TBCA: variants seen among roughly 807,000 people sequenced by gnomAD.
TBCA encodes tubulin-specific chaperone A.
TBCA carries 6 observed loss-of-function variants against 15.8 expected under a neutral mutation model. That is an observed-to-expected ratio of 0.38 (90% CI 0.21 to 0.75). The LOEUF (loss-of-function observed/expected upper bound fraction) is 0.75, where lower values mean the gene tolerates loss of function less well. TBCA is among the 30% of genes least tolerant of loss of function. The probability of loss-of-function intolerance (pLI) is 0.46; values close to 1 mark genes in which losing one functional copy is unlikely to be tolerated. For synonymous variants in TBCA, 32 were observed against 42.3 expected (o/e 0.76, Z 0.94); for missense variants, 90 against 131.2 (o/e 0.69, Z 1.53).
intron 1 of TBCA, among the ~76,000 whole-genome samples, chr5:77,715,782 C>T (rs1746386497): frequency 1.3e-5 from 2 of 152,168 alleles, no homozygotes; most frequent in South Asian, 2.1e-4. Flanking sequence ...TCCTGATCAA[C>T]TAATGAAAGT....
chr5:77,722,293 A>G (rs1037486856), intron 1 of TBCA, among the ~76,000 whole-genome samples: 2 of 152,084 alleles, frequency 1.3e-5, no homozygotes, highest in Non-Finnish European at 2.9e-5. Context: ...TCTAACTTGT[A>G]TTATGTATGA....
intron 1 of TBCA, among the ~76,000 whole-genome samples, chr5:77,714,215 G>A (rs1746346713): frequency 6.6e-6 from 1 of 152,048 alleles, no homozygotes; most frequent in South Asian, 2.1e-4. Context: ...AGCTACTTGG[G>A]AGGCTGAGCC....
chr5:77,746,586 A>G (rs1046423710), intron 1 of TBCA, among the ~76,000 whole-genome samples: 1 of 152,208 alleles, frequency 6.6e-6, no homozygotes, highest in African/African-American at 2.4e-5. Context: ...TTAACTTGGT[A>G]GACTTAATAA....
At chr5:77,712,027 T>C (rs570876529) in intron 1 of TBCA, among the ~76,000 whole-genome samples, 17 of 151,822 alleles carry the variant, frequency 1.1e-4, no homozygotes, top group African/African-American at 4.1e-4. Flanking sequence ...CATGTAAAAT[T>C]ATAGTGAATA....
At chr5:77,761,003 G>A (rs440175) in intron 1 of TBCA, among the ~76,000 whole-genome samples, 64,382 of 146,262 alleles carry the variant, frequency 0.44, 14,410 homozygotes, top group East Asian at 0.53. Flanking sequence ...CCGCCACCCC[G>A]TCTGGGAAGT....
chr5:77,740,707 T>C (rs1747011499), intron 1 of TBCA, among the ~76,000 whole-genome samples: 1 of 152,152 alleles, frequency 6.6e-6, no homozygotes, highest in Non-Finnish European at 1.5e-5. Context: ...AACATAAATG[T>C]GGCAGTCATG....
chr5:77,765,453 G>A (rs1363476216), intron 1 of TBCA, among the ~76,000 whole-genome samples: 1 of 152,130 alleles, frequency 6.6e-6, no homozygotes, highest in African/African-American at 2.4e-5. Context: ...AGAAAAGGGG[G>A]CACTAACATT....
chr5:77,735,805 G>A (rs545706866), intron 1 of TBCA, among the ~76,000 whole-genome samples: 3 of 152,104 alleles, frequency 2.0e-5, no homozygotes, highest in East Asian at 1.9e-4. Flanking sequence ...ACCTACATGC[G>A]AAATGGTGTT....
At chr5:77,715,322 A>G (rs1746373019) in intron 1 of TBCA, 1 of 701,376 alleles carries the variant, frequency 1.4e-6, no homozygotes, top group Non-Finnish European at 2.6e-6. Context: ...TCCCTAACAA[A>G]GGAAAAATAC....
chr5:77,741,341 A>G (rs1267172348), intron 1 of TBCA, among the ~76,000 whole-genome samples: 1 of 152,218 alleles, frequency 6.6e-6, no homozygotes, highest in Non-Finnish European at 1.5e-5. Context: ...GGATTAAGAA[A>G]AGACAAACAC....
chr5:77,731,820 A>C (rs1746778081), intron 1 of TBCA, among the ~76,000 whole-genome samples: 2 of 152,228 alleles, frequency 1.3e-5, no homozygotes, highest in African/African-American at 4.8e-5. Context: ...TTTCCAAAAA[A>C]TAAAATACTT....
chr5:77,692,435 CATTATT>C (rs757164327), intron 3 of TBCA: 13 of 949,532 alleles, frequency 1.4e-5, no homozygotes, highest in Admixed American at 6.2e-5. Context: ...CATCCAAATA[CATTATT>C]ATTATTATTA....
chr5:77,724,790 G>C (rs1325672948), intron 1 of TBCA, among the ~76,000 whole-genome samples: 1 of 152,118 alleles, frequency 6.6e-6, no homozygotes, highest in Non-Finnish European at 1.5e-5. Context: ...TTTGCCTTTT[G>C]CCCTGATACA....
intron 1 of TBCA, among the ~76,000 whole-genome samples, chr5:77,763,059 T>C (rs1747681444): frequency 6.6e-6 from 1 of 151,988 alleles, no homozygotes; most frequent in African/African-American, 2.4e-5. Context: ...CTGGATAACA[T>C]GGTGAAACCC....
chr5:77,715,715 G>A (rs1746384685), intron 1 of TBCA, among the ~76,000 whole-genome samples: 2 of 152,120 alleles, frequency 1.3e-5, no homozygotes, highest in African/African-American at 4.8e-5. Context: ...AACACAATAA[G>A]CAGTTAATAA....
intron 1 of TBCA, among the ~76,000 whole-genome samples, chr5:77,770,123 T>C (rs2112519308): frequency 6.6e-6 from 1 of 152,342 alleles, no homozygotes; most frequent in Admixed American, 6.5e-5. Flanking sequence ...CTTGAATTTA[T>C]CACAAGTCTA....
At chr5:77,753,692 A>AT (rs1747408679) in intron 1 of TBCA, among the ~76,000 whole-genome samples, 2 of 152,334 alleles carry the variant, frequency 1.3e-5, no homozygotes, top group Admixed American at 1.3e-4. Flanking sequence ...GTATTAGGGT[A>AT]TTTTTAATAT....
intron 2 of TBCA, among the ~76,000 whole-genome samples, chr5:77,703,807 G>GTTT (rs1561264580): frequency 6.6e-6 from 1 of 151,944 alleles, no homozygotes; most frequent in African/African-American, 2.4e-5. Flanking sequence ...CTTTGATATG[G>GTTT]TTTTACTCTG....
chr5:77,737,336 T>C (rs1474692657), intron 1 of TBCA, among the ~76,000 whole-genome samples: 1 of 152,222 alleles, frequency 6.6e-6, no homozygotes, highest in Non-Finnish European at 1.5e-5. Flanking sequence ...CTCTAGTGAT[T>C]GTTTTCCAGC....
Sources: gnomAD v4.1 joint callset for allele counts (sites outside exome capture counted in the v4.1 genomes callset) on GRCh38, gnomAD v4.1.1 for gene constraint, MANE v1.5 for transcripts, NCBI Gene and HGNC (gene_info 2026-07-23, HGNC 2026-07-21) for gene names.